DNAJC18: variants seen among roughly 807,000 people sequenced by gnomAD.
DNAJC18 encodes DnaJ heat shock protein family (Hsp40) member C18.
Under a neutral mutation model 48.6 loss-of-function variants are expected in DNAJC18, and 40 were observed. That is an observed-to-expected ratio of 0.82 (90% confidence interval 0.64 to 1.07). The LOEUF is 1.07. Ranked by LOEUF, DNAJC18 falls within the 50% of genes least tolerant of loss-of-function variation. DNAJC18 has a pLI of 0.00. For missense variants in DNAJC18, 340 were observed against 427.7 expected, an observed-to-expected ratio of 0.79 and a Z score of 1.81; for synonymous variants, 135 against 152.2, an observed-to-expected ratio of 0.89 and a Z score of 0.83.
At position 139,420,213 on chromosome 5, in the gene DNAJC18, G is replaced by A. The variant is rs370610006; in HGVS notation, c.792C>T (p.Tyr264=). The change falls in exon 7 of 8, where the codon TAC becomes TAT. Residue 264 remains tyrosine (Y), a synonymous_variant. Coordinates refer to ENST00000302060, the MANE Select transcript of DNAJC18 (RefSeq NM_152686.4). The part of the protein sequence containing the change: ...YSLFYKSTLG[Y]TISRETQNLQ... Reference sequence around the variant, plus strand: ...GGTTCTGAGTTTCTCTAGAAATGGTGTAGCCCAAGGTCCTGAAACAAGGAG... The same window carrying A: ...GGTTCTGAGTTTCTCTAGAAATGGTATAGCCCAAGGTCCTGAAACAAGGAG... The A allele has an allele frequency of 8.7e-6, 14 of 1,608,482 alleles. No homozygotes were observed. The highest frequency in any genetic ancestry group is 6.7e-5 in the African/African-American group (5 of 74,404).
Position 139,437,420 on chromosome 5 carries a change from C to A in DNAJC18, c.179G>T (p.Gly60Val). The stretch of plus-strand genomic sequence containing the variant: ...CTCACTATACGTGGAGTTCCCCTCA[C>A]CCTGCCGGGTCTGAGTCCACTCATT... ...SENEWTQTRQ[G>V]EGNSTYSEEQ... Residue 60 changes from glycine (G) to valine (V), a missense_variant, in exon 2 of 8, where the codon GGT becomes GTT. Coordinates refer to ENST00000302060, the MANE Select transcript of DNAJC18 (RefSeq NM_152686.4). 1.2e-6 allele frequency: 2 copies of A among 1,614,064 alleles called. No individual in the cohort carries two copies. Among genetic ancestry groups the A allele is most frequent in the South Asian group, 1.1e-5 (1 of 91,058 alleles).
At position 139,437,685 on chromosome 5, in the gene DNAJC18, C is replaced by G; in HGVS notation, c.41-127G>C. On this transcript the variant is annotated intron_variant, in intron 1 of 7. Coordinates refer to ENST00000302060, the MANE Select transcript of DNAJC18 (RefSeq NM_152686.4). ...TAAGCATGATGGCCAGGGCTAGAGGCGTCATGCTGACTTTTAAGCACTCAT... is the reference window on the plus strand; with the variant it reads ...TAAGCATGATGGCCAGGGCTAGAGGGGTCATGCTGACTTTTAAGCACTCAT... 4.6e-6 allele frequency: 5 copies of G among 1,090,366 alleles called. No individual in the cohort carries two copies. In the South Asian group the frequency reaches 9.0e-5, roughly 20 times the overall value. 67.5% of individuals were successfully genotyped at this position (1,090,366 alleles called of 1,614,324 possible).
At chr5:139,423,391 T>A (rs1245421057) in intron 5 of DNAJC18, among the ~76,000 whole-genome samples, 1 of 29,458 alleles carries the variant, frequency 3.4e-5, no homozygotes, top group African/African-American at 6.2e-5. Flanking sequence ...TTGGATTTCC[T>A]TTTTTTTTTT....
At chr5:139,418,725 G>A (rs759216578) in intron 7 of DNAJC18, 2 of 456,258 alleles carry the variant, frequency 4.4e-6, no homozygotes, top group Admixed American at 2.3e-5. Context: ...TAACCCTGCT[G>A]TTGTTATTCA....
chr5:139,435,151 G>A (rs1295047717), intron 2 of DNAJC18, among the ~76,000 whole-genome samples: 2 of 152,010 alleles, frequency 1.3e-5, no homozygotes, highest in South Asian at 2.1e-4. Context: ...ACAAGGTCAC[G>A]AGACCATCCT....
At chr5:139,436,896 T>G (rs888281465) in intron 2 of DNAJC18, among the ~76,000 whole-genome samples, 1 of 152,214 alleles carries the variant, frequency 6.6e-6, no homozygotes, top group East Asian at 1.9e-4. Context: ...GCTTTCCTAG[T>G]GATTTATTCT....
At position 139,425,000 on chromosome 5, in the gene DNAJC18, G is replaced by T. The variant is rs550283227; in HGVS notation, c.669+5C>A. On this transcript the variant is annotated splice_donor_5th_base_variant and intron_variant, in intron 5 of 7. Coordinates refer to ENST00000302060, the MANE Select transcript of DNAJC18 (RefSeq NM_152686.4). ...GGGCAGCAGTGCTCCTCCCTCCCTA[G>T]GTACCTGAGGTTTCTCTTCTTCCTC... The T allele has an allele frequency of 6.2e-7, 1 of 1,611,812 alleles. No individual in the cohort carries two copies. The highest frequency in any genetic ancestry group is 1.3e-5 in the African/African-American group (1 of 74,986).
rs946055517 is a variant in DNAJC18, at chr5:139,413,222, C to T, written c.*926G>A. ...GTGGCTGCTGGGGCCAAAGCTAGAC[C>T]CCCATATCCAAGGAGAGAGGATCTG... On this transcript the variant is annotated 3_prime_UTR_variant, in exon 8 of 8. Coordinates refer to ENST00000302060, the MANE Select transcript of DNAJC18 (RefSeq NM_152686.4). The T allele has an allele frequency of 2.9e-5, 6 of 210,252 alleles. No individual in the cohort carries two copies. In the East Asian group the frequency reaches 5.3e-4, roughly 19 times the overall value. The allele number at this position is 210,252 out of a possible 1,614,324, so 13.0% of individuals were successfully genotyped here.
Position 139,439,491 on chromosome 5 carries a change from G to A in DNAJC18, c.-46C>T, listed in dbSNP as rs1273841230. 6.2e-7 allele frequency: 1 copy of A among 1,613,708 alleles called. No individual in the cohort carries two copies. Among genetic ancestry groups the A allele is most frequent in the Non-Finnish European group, 8.5e-7 (1 of 1,179,962 alleles). ...TCCGCCGAGCCTCCCCCGTGCCCGAGGCTGAAAGAGAAGGGGGCGCGGAGC... is the reference window on the plus strand; with the variant it reads ...TCCGCCGAGCCTCCCCCGTGCCCGAAGCTGAAAGAGAAGGGGGCGCGGAGC... On this transcript the variant is annotated 5_prime_UTR_variant, in exon 1 of 8. Coordinates refer to ENST00000302060, the MANE Select transcript of DNAJC18 (RefSeq NM_152686.4). This position sits in a 1 kb window ranked among gnomAD's most constrained non-coding sequence, Gnocchi z 4.1.
At chr5:139,435,730 T>TTTTTTTTTTTTTTTTTTTTTTTTC in intron 2 of DNAJC18, among the ~76,000 whole-genome samples, 1 of 131,852 alleles carries the variant, frequency 7.6e-6, no homozygotes, top group East Asian at 2.6e-4. Flanking sequence ...TTTTTTTTTT[T>TTTTTTTTTTTTTTTTTTTTTTTTC]TTCAGACAAG....
At chr5:139,437,598 C>G (rs1486933351) in intron 1 of DNAJC18, 40 bp from the exon 2 acceptor site, 45 of 1,565,178 alleles carry the variant, frequency 2.9e-5, no homozygotes, top group Non-Finnish European at 3.7e-5. Flanking sequence ...CCATCTGACC[C>G]TGAAAATCAA....
chr5:139,424,236 T>C (rs916052089), intron 5 of DNAJC18, among the ~76,000 whole-genome samples: 8 of 152,070 alleles, frequency 5.3e-5, no homozygotes, highest in Admixed American at 2.0e-4. Flanking sequence ...GCAGGAAAAC[T>C]GGAGACAATC....
rs184156793 is a variant in DNAJC18, at chr5:139,424,603, C to T, written c.669+402G>A. On this transcript the variant is annotated intron_variant, in intron 5 of 7. Transcript: ENST00000302060. ...GGCATGGTGGCACGCACCTATAGTC[C>T]CAGCTACATGAGAGGCTGAGGTGGG... Among the ~76,000 whole-genome samples the T allele has an allele frequency of 1.5e-4, 22 of 151,256 alleles. No homozygotes were observed. In the East Asian group the frequency reaches 3.9e-3, roughly 27 times the overall value.
At chr5:139,427,764 T>G (rs767741327) in intron 3 of DNAJC18, among the ~76,000 whole-genome samples, 2 of 152,254 alleles carry the variant, frequency 1.3e-5, no homozygotes, top group African/African-American at 2.4e-5. Context: ...TCTTTTAAGC[T>G]AAAACTGTCC....
chr5:139,420,076 CTA>C lies in DNAJC18; in HGVS notation c.927_928del (p.Ser310LeufsTer21). ...ACTTTGTTGTTTCTCCTTCCAACAA[CTA>C]GTCTGGATATAATCAATGTAATCCT... On this transcript the variant is annotated frameshift_variant, in exon 7 of 8. Transcript: ENST00000302060. LOFTEE classifies it high-confidence loss of function. 1 of 1,578,982 alleles carries C rather than the reference CTA, an allele frequency of 6.3e-7. No individual in the cohort carries two copies. Among genetic ancestry groups the C allele is most frequent in the Non-Finnish European group, 8.6e-7 (1 of 1,167,280 alleles).
intron 1 of DNAJC18, among the ~76,000 whole-genome samples, chr5:139,438,140 C>T (rs1187294881): frequency 6.6e-6 from 1 of 152,016 alleles, no homozygotes; most frequent in African/African-American, 2.4e-5. Context: ...CACCGTGAAA[C>T]TCCGTCTCTA....
chr5:139,439,510 G>T lies in DNAJC18; in HGVS notation c.-65C>A. 1.2e-6 allele frequency: 2 copies of T among 1,612,554 alleles called. No individual in the cohort carries two copies. Among genetic ancestry groups the T allele is most frequent in the Admixed American group, 3.3e-5 (2 of 59,958 alleles). On this transcript the variant is annotated 5_prime_UTR_variant, in exon 1 of 8. Transcript: ENST00000302060. The surrounding 1 kb of genome is among the most constrained non-coding windows in gnomAD (Gnocchi z 4.1). ...GCCCGAGGCTGAAAGAGAAGGGGGC[G>T]CGGAGCGCGGGGCACGCTGGTCATT...
At chr5:139,431,329 C>G (rs1759326216) in intron 2 of DNAJC18, among the ~76,000 whole-genome samples, 1 of 152,096 alleles carries the variant, frequency 6.6e-6, no homozygotes. Context: ...TTTATCACCC[C>G]AAAAAGAAAC....
chr5:139,417,472 C>T (rs1047368224), intron 7 of DNAJC18, among the ~76,000 whole-genome samples: 3 of 151,980 alleles, frequency 2.0e-5, no homozygotes, highest in Admixed American at 6.6e-5. Flanking sequence ...TCTGCATAGC[C>T]GCTGTACTTA....
Sources: gnomAD v4.1 joint callset for allele counts (sites outside exome capture counted in the v4.1 genomes callset) on GRCh38, gnomAD v4.1.1 for gene constraint, Gnocchi (gnomAD v3.1) non-coding constraint, MANE v1.5 for transcripts, NCBI Gene and HGNC (gene_info 2026-07-23, HGNC 2026-07-21) for gene names.